CEP112: variants seen among roughly 807,000 people sequenced by gnomAD.
The protein encoded by CEP112 is centrosomal protein 112.
CEP112 carries 127 observed loss-of-function variants against 153.0 expected under a neutral mutation model. That is an observed-to-expected ratio of 0.83 (90% confidence interval 0.72 to 0.96). The LOEUF is 0.96. Ranked by LOEUF, CEP112 falls within the 40% of genes least tolerant of loss-of-function variation. The pLI is 0.00. For missense variants in CEP112, 1,089 were observed against 1,101.2 expected (o/e 0.99, Z 0.16); for synonymous variants, 358 against 374.4 (o/e 0.96, Z 0.51).
intron 9 of CEP112, among the ~76,000 whole-genome samples, chr17:66,069,116 C>G (rs866842500): frequency 6.6e-6 from 1 of 151,484 alleles, no homozygotes; most frequent in African/African-American, 2.4e-5. Context: ...TTTAAGAAAG[C>G]TTGGATACAT....
chr17:65,848,114 T>C (rs2057794175), intron 21 of CEP112, among the ~76,000 whole-genome samples: 1 of 152,200 alleles, frequency 6.6e-6, no homozygotes, highest in Non-Finnish European at 1.5e-5. Flanking sequence ...TTAGTCCCTT[T>C]GTGTACTTCA....
chr17:66,014,626 T>C (rs945916403), intron 16 of CEP112, among the ~76,000 whole-genome samples: 7 of 152,128 alleles, frequency 4.6e-5, no homozygotes, highest in Non-Finnish European at 1.0e-4. Context: ...TGGGGTCTTC[T>C]GCTGCCAGGA....
In CEP112 at chr17:65,902,210, C is replaced by T. The variant is rs758742223; in HGVS notation, c.2105G>A (p.Arg702His). ...ATTTTCGTGCTCCATATTGGCAGCG[C>T]GAAGCTGTTTTTCCAGGTTTTCAAT... The part of the protein sequence containing the change: ...REIENLEKQL[R>H]AANMEHENQI... Residue 702 changes from arginine to histidine, a missense_variant, in exon 20 of 27, where the codon CGC becomes CAC. Transcript: ENST00000535342. The T allele has an allele frequency of 6.2e-6, 10 of 1,613,750 alleles. No homozygotes were observed. Among genetic ancestry groups the T allele is most frequent in the Admixed American group, 3.3e-5 (2 of 59,954 alleles).
At chr17:66,181,149 AAAT>A (rs1399463447) in intron 2 of CEP112, among the ~76,000 whole-genome samples, 3 of 152,198 alleles carry the variant, frequency 2.0e-5, no homozygotes, top group African/African-American at 7.2e-5. Flanking sequence ...CCTCTATGTA[AAAT>A]AATGGGAAAA....
intron 24 of CEP112, among the ~76,000 whole-genome samples, chr17:65,660,470 CCT>C (rs1383510904): frequency 1.1e-4 from 2 of 18,652 alleles, no homozygotes; most frequent in African/African-American, 1.7e-3. Flanking sequence ...CTCCTTCCTT[CCT>C]TCCTTCCTTC....
chr17:66,144,674 CAG>C, intron 4 of CEP112, among the ~76,000 whole-genome samples: 1 of 152,256 alleles, frequency 6.6e-6, no homozygotes, highest in African/African-American at 2.4e-5. Flanking sequence ...GTGTGAGCAA[CAG>C]AGCAAGGCTC....
intron 19 of CEP112, 135 bp from the exon 20 acceptor site, chr17:65,902,469 G>A (rs1015293799): frequency 4.3e-5 from 24 of 563,918 alleles, no homozygotes; most frequent in Admixed American, 2.3e-4. Context: ...CCTCACCCTC[G>A]AAATACTCTC....
intron 24 of CEP112, among the ~76,000 whole-genome samples, chr17:65,663,863 G>A (rs981990107): frequency 2.0e-5 from 3 of 152,052 alleles, no homozygotes; most frequent in Admixed American, 1.3e-4. Flanking sequence ...TGGCTAACAC[G>A]GTGAAACCCT....
chr17:66,103,840 T>C (rs2068667529), intron 6 of CEP112, among the ~76,000 whole-genome samples: 1 of 152,160 alleles, frequency 6.6e-6, no homozygotes, highest in African/African-American at 2.4e-5. Context: ...AGCACAGTGA[T>C]TGTGGGATTT....
intron 21 of CEP112, among the ~76,000 whole-genome samples, chr17:65,790,777 G>C (rs1023480376): frequency 6.6e-6 from 1 of 152,164 alleles, no homozygotes; most frequent in African/African-American, 2.4e-5. Flanking sequence ...AGGACCTGAG[G>C]AAAAGCCTGT....
chr17:66,093,912 T>C (rs1192587751), intron 8 of CEP112, among the ~76,000 whole-genome samples: 1 of 152,066 alleles, frequency 6.6e-6, no homozygotes, highest in Non-Finnish European at 1.5e-5. Flanking sequence ...TCACACTACC[T>C]GACTTCAAAA....
At chr17:65,806,251 T>A (rs1421330693) in intron 21 of CEP112, among the ~76,000 whole-genome samples, 1 of 152,148 alleles carries the variant, frequency 6.6e-6, no homozygotes, top group Non-Finnish European at 1.5e-5. Flanking sequence ...AAAACAGTAA[T>A]AATAAATCAT....
chr17:65,656,293 T>C (rs1319507555), intron 24 of CEP112, among the ~76,000 whole-genome samples: 1 of 152,182 alleles, frequency 6.6e-6, no homozygotes, highest in African/African-American at 2.4e-5. Context: ...GTTTTGGCAA[T>C]CCAGGGGAAG....
At chr17:65,640,912 T>G in intron 25 of CEP112, 52 bp downstream of exon 25, 1 of 1,009,370 alleles carries the variant, frequency 9.9e-7, no homozygotes. Context: ...TGCAAGTTTC[T>G]TTTCAGAGTA....
intron 23 of CEP112, among the ~76,000 whole-genome samples, chr17:65,728,932 A>G (rs2050337158): frequency 6.6e-6 from 1 of 152,188 alleles, no homozygotes; most frequent in Admixed American, 6.5e-5. Context: ...TCTTTCTTCA[A>G]TAATGAATTC....
chr17:66,027,468 TA>T, intron 16 of CEP112, 32 bp downstream of exon 16: 2 of 1,340,456 alleles, frequency 1.5e-6, no homozygotes, highest in Middle Eastern at 1.9e-4. Flanking sequence ...TTTGCTATTT[TA>T]AATATTTTAT....
At chr17:65,907,263 C>A (rs886259451) in intron 19 of CEP112, among the ~76,000 whole-genome samples, 3 of 152,120 alleles carry the variant, frequency 2.0e-5, no homozygotes, top group Non-Finnish European at 4.4e-5. Flanking sequence ...ATAGACTCAT[C>A]AATGATCATG....
intron 18 of CEP112, among the ~76,000 whole-genome samples, chr17:65,943,876 T>A (rs1471521718): frequency 6.6e-6 from 1 of 152,230 alleles, no homozygotes; most frequent in Non-Finnish European, 1.5e-5. Flanking sequence ...TCTTTTTACA[T>A]AATCTGATAG....
chr17:65,687,461 C>A (rs557838346), intron 24 of CEP112, among the ~76,000 whole-genome samples: 1 of 151,864 alleles, frequency 6.6e-6, no homozygotes, highest in Non-Finnish European at 1.5e-5. Flanking sequence ...CCACTGCGCC[C>A]GGCCTAGTTA....
Sources: gnomAD v4.1 joint callset for allele counts (sites outside exome capture counted in the v4.1 genomes callset) on GRCh38, gnomAD v4.1.1 for gene constraint, MANE v1.5 for transcripts, NCBI Gene and HGNC (gene_info 2026-07-23, HGNC 2026-07-21) for gene names.